Variants in KCNH1 observed in about 807,000 individuals in gnomAD.
KCNH1 encodes voltage-gated delayed rectifier potassium channel KCNH1.
Under a neutral mutation model 69.2 loss-of-function variants are expected in KCNH1, and 27 were observed. That is an observed-to-expected ratio of 0.39 (90% confidence interval 0.29 to 0.54). The LOEUF (loss-of-function observed/expected upper bound fraction) is 0.54. Ranked by LOEUF, KCNH1 falls within the 20% of genes least tolerant of loss-of-function variation. The pLI, the probability that KCNH1 is intolerant of heterozygous loss-of-function variation, is 0.68. For synonymous variants in KCNH1, 456 were observed against 487.7 expected (o/e 0.93, Z 0.86); for missense variants, 798 against 1,261.6 (o/e 0.63, Z 5.57).
intron 7 of KCNH1, among the ~76,000 whole-genome samples, chr1:210,863,151 T>C (rs1209247647): frequency 6.6e-6 from 1 of 152,108 alleles, no homozygotes; most frequent in Non-Finnish European, 1.5e-5. Flanking sequence ...ATTTTAAGTT[T>C]AGGGATGATA....
In KCNH1 at chr1:210,856,877, CTA is replaced by C. The variant is rs150446990; in HGVS notation, c.1463-52713_1463-52712del. On this transcript the variant is annotated intron_variant, in intron 7 of 10. Coordinates refer to ENST00000271751, the MANE Select transcript of KCNH1 (RefSeq NM_172362.3). ...TAACCCACTATATATATATAACCCA[CTA>C]TATATATATATATATATATAAAATA... Among the ~76,000 whole-genome samples the C allele has an allele frequency of 3.4e-3, 344 of 101,700 alleles. 6 individuals carry two copies. The highest frequency in any genetic ancestry group is 0.011 in the African/African-American group (323 of 28,260). The allele number at this position is 101,700 out of a possible 152,430, so 66.7% of individuals were successfully genotyped here.
In KCNH1 at chr1:210,775,347, C is replaced by A. The variant is rs1405124827; in HGVS notation, c.2112+1G>T. The A allele has an allele frequency of 6.2e-7, 1 of 1,613,640 alleles. No individual in the cohort carries two copies. Among genetic ancestry groups the A allele is most frequent in the Non-Finnish European group, 8.5e-7 (1 of 1,179,668 alleles). On this transcript the variant is annotated splice_donor_variant, in intron 10 of 10. Coordinates refer to ENST00000271751, the MANE Select transcript of KCNH1 (RefSeq NM_172362.3). LOFTEE classifies it high-confidence loss of function. Reference sequence around the variant, plus strand: ...GAAAATAACTGAAACTTTTAGCTCACCCTCTTCCTCAAGTTGTACGTCAGA... The same window carrying A: ...GAAAATAACTGAAACTTTTAGCTCAACCTCTTCCTCAAGTTGTACGTCAGA...
chr1:210,827,824 C>T (rs956473422), intron 7 of KCNH1, among the ~76,000 whole-genome samples: 1 of 152,106 alleles, frequency 6.6e-6, no homozygotes, highest in Non-Finnish European at 1.5e-5. Context: ...TTCTGTGCCT[C>T]AGTTCTCTCT....
chr1:210,696,781 G>C (rs1001858887), intron 10 of KCNH1, among the ~76,000 whole-genome samples: 1 of 152,190 alleles, frequency 6.6e-6, no homozygotes, highest in African/African-American at 2.4e-5. Context: ...TCATTCAGAG[G>C]ATCTGCTGTT....
intron 7 of KCNH1, among the ~76,000 whole-genome samples, chr1:210,870,623 T>G (rs1346528241): frequency 1.3e-5 from 2 of 152,196 alleles, no homozygotes; most frequent in African/African-American, 4.8e-5. Flanking sequence ...TGTCATGCTT[T>G]ATTAGTAGAC....
At chr1:210,688,180 CCA>C (rs886719851) in intron 10 of KCNH1, among the ~76,000 whole-genome samples, 1 of 152,134 alleles carries the variant, frequency 6.6e-6, no homozygotes, top group Non-Finnish European at 1.5e-5. Flanking sequence ...TCCCCCAGAT[CCA>C]CTCTTTTGAA....
intron 6 of KCNH1, among the ~76,000 whole-genome samples, chr1:211,013,409 C>T (rs1468590242): frequency 6.6e-6 from 1 of 152,156 alleles, no homozygotes; most frequent in Non-Finnish European, 1.5e-5. Flanking sequence ...GCCACACAGG[C>T]TAACCACTCA....
chr1:211,118,877 A>T (rs1005022139), intron 1 of KCNH1, among the ~76,000 whole-genome samples: 2 of 152,226 alleles, frequency 1.3e-5, no homozygotes, highest in African/African-American at 4.8e-5. Context: ...ACGCAGATAA[A>T]AGCTACATTC....
intron 10 of KCNH1, among the ~76,000 whole-genome samples, chr1:210,735,765 A>G (rs901961297): frequency 1.3e-5 from 2 of 151,840 alleles, no homozygotes; most frequent in East Asian, 3.9e-4. Context: ...GTCCCTATAC[A>G]CACATGCACA....
intron 1 of KCNH1, among the ~76,000 whole-genome samples, chr1:211,130,086 C>G (rs1487106970): frequency 6.6e-6 from 1 of 152,172 alleles, no homozygotes; most frequent in Non-Finnish European, 1.5e-5. Context: ...CAAGTGCCTG[C>G]AGATTTAAGC....
chr1:211,030,125 G>A (rs1412751001), intron 5 of KCNH1, among the ~76,000 whole-genome samples: 3 of 152,128 alleles, frequency 2.0e-5, no homozygotes, highest in Non-Finnish European at 4.4e-5. Flanking sequence ...TCAAAATGCT[G>A]GCAAGAGTTT....
At chr1:210,945,071 T>G (rs1272243084) in intron 6 of KCNH1, among the ~76,000 whole-genome samples, 1 of 152,234 alleles carries the variant, frequency 6.6e-6, no homozygotes, top group Non-Finnish European at 1.5e-5. Context: ...CTCATCCAGG[T>G]TATAGCATGT....
At chr1:210,904,706 G>T (rs571988150) in intron 7 of KCNH1, among the ~76,000 whole-genome samples, 1 of 152,104 alleles carries the variant, frequency 6.6e-6, no homozygotes, top group African/African-American at 2.4e-5. Context: ...AAGAGGAAGA[G>T]GAATGGAGTA....
At chr1:211,001,067 A>C (rs1189216560) in intron 6 of KCNH1, among the ~76,000 whole-genome samples, 2 of 152,224 alleles carry the variant, frequency 1.3e-5, no homozygotes, top group Non-Finnish European at 2.9e-5. Context: ...ACCCTAGAAG[A>C]AAACCCAGGC....
chr1:210,916,599 T>A (rs1687336860), intron 7 of KCNH1, among the ~76,000 whole-genome samples: 1 of 152,166 alleles, frequency 6.6e-6, no homozygotes, highest in Admixed American at 6.5e-5. Flanking sequence ...GAATCCTATC[T>A]CTCCTGTCTA....
At chr1:211,115,872 CAT>C (rs1324377464) in intron 1 of KCNH1, among the ~76,000 whole-genome samples, 2 of 151,902 alleles carry the variant, frequency 1.3e-5, no homozygotes, top group African/African-American at 4.8e-5. Flanking sequence ...TGGTGGCTCA[CAT>C]GTGTAATCCC....
chr1:210,978,468 T>C (rs745505457), intron 6 of KCNH1, among the ~76,000 whole-genome samples: 94 of 152,338 alleles, frequency 6.2e-4, no homozygotes, highest in Non-Finnish European at 1.0e-3. Context: ...TGCTTTTTTT[T>C]CCTCTGAGTG....
At chr1:210,916,642 T>C (rs12144937) in intron 7 of KCNH1, among the ~76,000 whole-genome samples, 8,839 of 152,220 alleles carry the variant, frequency 0.058, 412 homozygotes, top group East Asian at 0.27. Context: ...GTGAGTTAAC[T>C]TCTGTGAGCC....
In KCNH1 at chr1:210,684,036, G is replaced by A. The variant is rs767728728; in HGVS notation, c.2215C>T (p.Arg739Cys). The A allele has an allele frequency of 2.5e-6, 4 of 1,577,664 alleles. No individual in the cohort carries two copies. The highest frequency in any genetic ancestry group is 1.7e-5 in the Admixed American group (1 of 57,460). Residue 739 changes from arginine (R) to cysteine (C), a missense_variant, in exon 11 of 11, where the codon CGC becomes TGC. Physicochemically the swap from Arg to Cys is radical, Grantham distance 180. Transcript: ENST00000271751. ...LILPPDHPVRRLFQRFRQQKE... is the reference protein window; with the variant it reads ...LILPPDHPVRCLFQRFRQQKE... ...TGCTGTCGGAATCTCTGGAAGAGGC[G>A]CCGGACAGGGTGGTCCGGGGGCAAG...
Sources: gnomAD v4.1 joint callset for allele counts (sites outside exome capture counted in the v4.1 genomes callset) on GRCh38, gnomAD v4.1.1 for gene constraint, MANE v1.5 for transcripts, NCBI Gene and HGNC (gene_info 2026-07-23, HGNC 2026-07-21) for gene names.